The following ZNF385D variants were observed in gnomAD, a reference collection of about 807,000 sequenced individuals.
ZNF385D encodes the protein zinc finger protein 659.
ZNF385D carries 15 observed loss-of-function variants against 35.8 expected under a neutral mutation model. The ratio of observed to expected loss-of-function variants is 0.42; its 90% CI spans 0.28 to 0.64. ZNF385D has a LOEUF of 0.64. ZNF385D is among the 30% of genes least tolerant of loss of function. The pLI is 0.23. For synonymous variants in ZNF385D, 212 were observed against 186.8 expected (o/e 1.13, Z -1.10); for missense variants, 474 against 494.6 (o/e 0.96, Z 0.39).
At chr3:22,163,553 T>C (rs986371931) in intron 3 of ZNF385D, among the ~76,000 whole-genome samples, 2 of 152,166 alleles carry the variant, frequency 1.3e-5, no homozygotes, top group South Asian at 2.1e-4. Context: ...TTTTGTAGTA[T>C]ATAATAGACT....
At chr3:22,216,499 G>C (rs1303209984) in intron 2 of ZNF385D, among the ~76,000 whole-genome samples, 1 of 152,104 alleles carries the variant, frequency 6.6e-6, no homozygotes, top group Non-Finnish European at 1.5e-5. Context: ...CTAAGAGTGA[G>C]GAGGTAGAGG....
rs77905425 is a variant in ZNF385D, at chr3:22,152,759, T to C, written c.325+16058A>G. On this transcript the variant is annotated intron_variant, in intron 3 of 5. Coordinates refer to the ZNF385D transcript ENST00000494108. ...TTTGATCACGTATGTGGAGTTCCTT[T>C]GGCCAAGTTAGGCAACATATTCACA... is the stretch of plus-strand genomic sequence containing the variant. Among the ~76,000 whole-genome samples, 1,062 of 152,312 alleles carry C rather than the reference T, an allele frequency of 7.0e-3. 16 individuals are homozygous for C. Among genetic ancestry groups the C allele is most frequent in the African/African-American group, 0.024 (1,002 of 41,578 alleles).
At chr3:22,317,271 C>T (rs1237242392) in intron 2 of ZNF385D, among the ~76,000 whole-genome samples, 9 of 77,966 alleles carry the variant, frequency 1.2e-4, no homozygotes, top group African/African-American at 4.3e-4. Flanking sequence ...AAGAGTGAAA[C>T]TCCATCTCCA....
intron 3 of ZNF385D, among the ~76,000 whole-genome samples, chr3:22,036,200 A>G (rs946643963): frequency 1.3e-5 from 2 of 152,206 alleles, no homozygotes; most frequent in African/African-American, 4.8e-5. Context: ...GAAAGGATTC[A>G]TGGGGGTGAA....
intron 3 of ZNF385D, among the ~76,000 whole-genome samples, chr3:21,932,096 G>T (rs1239251430): frequency 6.8e-6 from 1 of 146,226 alleles, no homozygotes; most frequent in African/African-American, 2.5e-5. Context: ...GAATCCTGGA[G>T]GCGGAGCTTG....
At chr3:22,068,779 AACATT>A (rs767978483) in intron 3 of ZNF385D, among the ~76,000 whole-genome samples, 1 of 152,254 alleles carries the variant, frequency 6.6e-6, no homozygotes, top group Non-Finnish European at 1.5e-5. Context: ...CGTGAAGAAA[AACATT>A]ACATTAATAT....
chr3:21,584,242 G>C (rs1212835387), intron 2 of ZNF385D, among the ~76,000 whole-genome samples: 2 of 152,092 alleles, frequency 1.3e-5, no homozygotes, highest in East Asian at 3.9e-4. Context: ...GCCTCCCAAA[G>C]TGCTGGGATT....
chr3:21,846,478 G>A (rs145827225), intron 3 of ZNF385D, among the ~76,000 whole-genome samples: 1 of 151,964 alleles, frequency 6.6e-6, no homozygotes, highest in Non-Finnish European at 1.5e-5. Flanking sequence ...AGTTCAAGCA[G>A]GTACCCAGAG....
At chr3:22,326,976 G>A (rs1394628979) in intron 2 of ZNF385D, among the ~76,000 whole-genome samples, 1 of 152,112 alleles carries the variant, frequency 6.6e-6, no homozygotes, top group Non-Finnish European at 1.5e-5. Flanking sequence ...CAAGTTCCAA[G>A]GTCTATTGCT....
At chr3:21,555,633 T>A (rs1257480034) in intron 3 of ZNF385D, among the ~76,000 whole-genome samples, 5 of 152,178 alleles carry the variant, frequency 3.3e-5, no homozygotes. Flanking sequence ...TTTGGGTTGG[T>A]TCCAAGTCTT....
intron 2 of ZNF385D, among the ~76,000 whole-genome samples, chr3:22,222,712 G>T (rs78578830): frequency 6.6e-6 from 1 of 151,980 alleles, no homozygotes; most frequent in Non-Finnish European, 1.5e-5. Context: ...ATGAAAGAAC[G>T]GATATAAAAG....
intron 3 of ZNF385D, among the ~76,000 whole-genome samples, chr3:22,060,688 A>T (rs1699643881): frequency 1.3e-5 from 2 of 152,262 alleles, no homozygotes; most frequent in Admixed American, 6.5e-5. Context: ...GAGGAAATGA[A>T]GTTTTAGATG....
At chr3:21,530,989 A>T (rs981960257) in intron 3 of ZNF385D, among the ~76,000 whole-genome samples, 4 of 152,056 alleles carry the variant, frequency 2.6e-5, no homozygotes, top group African/African-American at 9.7e-5. Context: ...AAAAAAATTG[A>T]CCTGAGACCC....
chr3:21,887,829 T>A (rs549390386), intron 3 of ZNF385D, among the ~76,000 whole-genome samples: 3 of 152,102 alleles, frequency 2.0e-5, no homozygotes, highest in African/African-American at 7.2e-5. Flanking sequence ...TGTCAGGAAT[T>A]GAAAAGAAAA....
In ZNF385D at chr3:21,798,267, G is replaced by A. The variant is rs144536749; in HGVS notation, c.326-133239C>T. The stretch of plus-strand genomic sequence containing the variant: ...CAGGTTGTCTGGTTCTTCGGCGCAT[G>A]GCCTCACTCGGCTGAAATCAAGATG... On this transcript the variant is annotated intron_variant, in intron 3 of 5. Coordinates refer to the ZNF385D transcript ENST00000494108. 3.3e-3 allele frequency among the ~76,000 whole-genome samples: 507 copies of A among 152,302 alleles called. 3 individuals are homozygous for A. The highest frequency in any genetic ancestry group is 0.011 in the African/African-American group (474 of 41,560).
At chr3:21,652,521 T>C (rs751224907) in intron 2 of ZNF385D, among the ~76,000 whole-genome samples, 2 of 152,154 alleles carry the variant, frequency 1.3e-5, no homozygotes, top group African/African-American at 4.8e-5. Context: ...ATGTGCACAA[T>C]GTGCAGGTTT....
chr3:21,846,483 C>A (rs1485803577), intron 3 of ZNF385D, among the ~76,000 whole-genome samples: 2 of 151,800 alleles, frequency 1.3e-5, no homozygotes, highest in Non-Finnish European at 2.9e-5. Context: ...AAGCAGGTAC[C>A]CAGAGTTTGC....
intron 3 of ZNF385D, among the ~76,000 whole-genome samples, chr3:21,831,368 T>G (rs1694975729): frequency 6.6e-6 from 1 of 152,126 alleles, no homozygotes; most frequent in Admixed American, 6.5e-5. Context: ...ACATAGTAGG[T>G]AATCAAAAGT....
At chr3:21,558,922 C>T (rs1448566231) in intron 3 of ZNF385D, among the ~76,000 whole-genome samples, 2 of 149,646 alleles carry the variant, frequency 1.3e-5, no homozygotes, top group African/African-American at 2.5e-5. Context: ...ATGTAATGTC[C>T]TTCTTTGCTG....
Sources: gnomAD v4.1 joint callset for allele counts (sites outside exome capture counted in the v4.1 genomes callset) on GRCh38, gnomAD v4.1.1 for gene constraint, MANE v1.5 for transcripts, NCBI Gene and HGNC (gene_info 2026-07-23, HGNC 2026-07-21) for gene names.